Variants in NID1 observed in about 807,000 individuals in gnomAD.
NID1 encodes the protein nidogen-1.
In NID1, 76 loss-of-function variants were observed where a neutral mutation model predicts 130.6. The ratio of observed to expected loss-of-function variants is 0.58; its 90% confidence interval spans 0.48 to 0.70. The LOEUF (loss-of-function observed/expected upper bound fraction) is 0.70, where lower values mean the gene tolerates loss of function less well. NID1 is among the 30% of genes least tolerant of loss of function. The pLI is 0.00. For missense variants in NID1, 1,517 were observed against 1,664.8 expected (o/e 0.91, Z 1.54); for synonymous variants, 665 against 675.1 (o/e 0.98, Z 0.23).
intron 4 of NID1, among the ~76,000 whole-genome samples, chr1:236,039,988 A>G (rs991365244): frequency 2.6e-5 from 4 of 152,182 alleles, no homozygotes; most frequent in Non-Finnish European, 5.9e-5. Flanking sequence ...GGGTAGAGGG[A>G]CAGGAAAACA....
intron 5 of NID1, 49 bp from the exon 6 acceptor site, chr1:236,032,701 C>A (rs1231069594): frequency 6.2e-7 from 1 of 1,600,066 alleles, no homozygotes; most frequent in Non-Finnish European, 8.5e-7. Flanking sequence ...CCAAGCCAGT[C>A]TTTCAAACAC....
chr1:235,987,596 G>T (rs1045696102), intron 14 of NID1, among the ~76,000 whole-genome samples: 25 of 152,138 alleles, frequency 1.6e-4, no homozygotes, highest in Admixed American at 1.6e-3. Context: ...AGAAGCTGCC[G>T]GGCTGTATGA....
intron 19 of NID1, among the ~76,000 whole-genome samples, 168 bp from the exon 20 acceptor site, chr1:235,978,156 G>A: frequency 6.6e-6 from 1 of 152,320 alleles, no homozygotes; most frequent in Middle Eastern, 3.4e-3. Context: ...CAGCTGAGCT[G>A]ATCCATTGTT....
chr1:236,045,566 CTTG>C lies in NID1; in HGVS notation c.640_642del (p.Gln214del), dbSNP rs1287899565. On this transcript the variant is annotated inframe_deletion, in exon 3 of 20. Transcript: ENST00000264187. ...TGACTGAATGCAACCACGGCAGGAA[CTTG>C]GTTGTTTTCCTTCTTTGAGAATGTC... The C allele has an allele frequency of 7.4e-6, 12 of 1,614,024 alleles. No individual in the cohort carries two copies. Among genetic ancestry groups the C allele is most frequent in the Non-Finnish European group, 5.1e-6 (6 of 1,180,030 alleles).
chr1:236,024,293 C>T, intron 8 of NID1, 80 bp from the exon 9 acceptor site: 3 of 1,524,374 alleles, frequency 2.0e-6, no homozygotes, highest in Non-Finnish European at 1.8e-6. Context: ...AAGTCAACCA[C>T]AACTGGTGAG....
chr1:236,009,287 G>A (rs12086406), intron 12 of NID1, among the ~76,000 whole-genome samples: 3,752 of 152,246 alleles, frequency 0.025, 163 homozygotes, highest in African/African-American at 0.085. Flanking sequence ...ATGTCTGGCC[G>A]TCTGTGAACT....
intron 1 of NID1, among the ~76,000 whole-genome samples, chr1:236,051,020 C>G (rs1365915945): frequency 6.6e-6 from 1 of 151,892 alleles, no homozygotes; most frequent in Non-Finnish European, 1.5e-5. Flanking sequence ...GAGGCAGAGG[C>G]TGCAGTGAGC....
At position 236,011,873 on chromosome 1, in the gene NID1, C is replaced by T. The variant is rs550518148; in HGVS notation, c.2527+48G>A. 1.8e-5 allele frequency: 29 copies of T among 1,608,108 alleles called. No individual in the cohort carries two copies. In the East Asian group the frequency reaches 5.1e-4, roughly 29 times the overall value. On this transcript the variant is annotated intron_variant, in intron 12 of 19. Transcript: ENST00000264187. ...GGCAATGGGCCATGTGCTCTGCATT[C>T]ATGGACAGGGCAATGGGCTACCGAC...
chr1:236,020,389 G>A (rs2102822273), intron 9 of NID1, among the ~76,000 whole-genome samples: 1 of 152,244 alleles, frequency 6.6e-6, no homozygotes, highest in South Asian at 2.1e-4. Flanking sequence ...TCTTAGAGGA[G>A]AAGAGTCTCA....
chr1:236,042,262 C>G lies in NID1; in HGVS notation c.783G>C (p.Trp261Cys). The G allele has an allele frequency of 6.2e-7, 1 of 1,606,760 alleles. No individual in the cohort carries two copies. The highest frequency in any genetic ancestry group is 1.1e-5 in the South Asian group (1 of 91,070). ...KSSNSGQQGV[W>C]VFEIGSPATT... is the part of the protein sequence containing the mutation. The stretch of plus-strand genomic sequence containing the variant: ...TGGCTGGACTCCCAATCTCAAACAC[C>G]CAGACACCCTGCTGCCCAGAGTTAC... Residue 261 changes from tryptophan to cysteine, a missense_variant, in exon 4 of 20, where the codon TGG (tryptophan) becomes TGC (cysteine). This residue lies in a region of NID1 where 1,329 missense variants were observed against 1,429.2 expected (regional missense o/e 0.93). Transcript: ENST00000264187.
At chr1:236,021,474 A>G (rs1658762277) in intron 9 of NID1, among the ~76,000 whole-genome samples, 2 of 152,304 alleles carry the variant, frequency 1.3e-5, no homozygotes, top group South Asian at 4.1e-4. Context: ...AAGGTTCACT[A>G]TGAAGCCAAC....
rs377512998 is a variant in NID1, at chr1:236,065,047, C to A, written c.33G>T (p.Ala11=). Reference sequence around the variant, plus strand: ...GCGGCAGCAGCAGCGCCCGCGTCCACGCAGCCCGGATCCGGCTGCTCGAGG... The same window carrying A: ...GCGGCAGCAGCAGCGCCCGCGTCCAAGCAGCCCGGATCCGGCTGCTCGAGG... MLASSSRIRA[A]WTRALLLPLL... is the part of the protein sequence containing the mutation. Residue 11 remains alanine, a synonymous_variant, in exon 1 of 20, where the codon GCG becomes GCT. Coordinates refer to ENST00000264187, the MANE Select transcript of NID1 (RefSeq NM_002508.3). This position sits in a 1 kb window ranked among gnomAD's most constrained non-coding sequence, Gnocchi z 4.1. 196 of 1,554,036 alleles carry A rather than the reference C, an allele frequency of 1.3e-4. 2 individuals are homozygous for A. In the African/African-American group the frequency reaches 2.3e-3, roughly 18 times the overall value.
intron 14 of NID1, among the ~76,000 whole-genome samples, chr1:235,988,850 C>T (rs1383445600): frequency 3.3e-5 from 5 of 152,028 alleles, no homozygotes; most frequent in African/African-American, 9.7e-5. Context: ...ATCGTGGCTG[C>T]CAGGGGCTAG....
At chr1:236,056,440 G>C (rs936125052) in intron 1 of NID1, among the ~76,000 whole-genome samples, 6 of 152,154 alleles carry the variant, frequency 3.9e-5, no homozygotes, top group African/African-American at 1.4e-4. Context: ...ATCAAATCAG[G>C]ATAATTAGGA....
chr1:235,982,290 G>A (rs911011982), intron 15 of NID1, among the ~76,000 whole-genome samples: 4 of 152,176 alleles, frequency 2.6e-5, no homozygotes, highest in African/African-American at 9.7e-5. Flanking sequence ...AAAGTGAACA[G>A]GATGTCATTG....
At position 236,026,113 on chromosome 1, in the gene NID1, G is replaced by A; in HGVS notation, c.1767C>T (p.Tyr589=). The A allele has an allele frequency of 6.2e-7, 1 of 1,613,930 alleles. No individual in the cohort carries two copies. The highest frequency in any genetic ancestry group is 1.3e-5 in the African/African-American group (1 of 75,024). Residue 589 remains tyrosine, a synonymous_variant, in exon 8 of 20, where the codon TAC becomes TAT. Transcript: ENST00000264187. ...SVITSSSTRE[Y]TVTEPERDGA... is the part of the protein sequence containing the mutation. Reference sequence around the variant, plus strand: ...CATCTCGCTCGGGCTCAGTCACCGTGTACTCCCGGGTGGAGGAGGAAGTGA... The same window carrying A: ...CATCTCGCTCGGGCTCAGTCACCGTATACTCCCGGGTGGAGGAGGAAGTGA...
chr1:236,019,013 C>T (rs904976538), intron 9 of NID1, among the ~76,000 whole-genome samples: 1 of 152,108 alleles, frequency 6.6e-6, no homozygotes, highest in African/African-American at 2.4e-5. Flanking sequence ...TGTCCTGTAC[C>T]CAGGCAAATA....
rs1197880638 is a variant in NID1, at chr1:236,033,036, G to A, written c.1286-384C>T. 2.6e-5 allele frequency among the ~76,000 whole-genome samples: 4 copies of A among 152,216 alleles called. No individual in the cohort carries two copies. The East Asian group carries it at 7.7e-4, about 29-fold the overall frequency. On this transcript the variant is annotated intron_variant, in intron 5 of 19. Coordinates refer to ENST00000264187, the MANE Select transcript of NID1 (RefSeq NM_002508.3). ...TTGAGAGTAAAAGGAGGATGGGCAT[G>A]GTGGCTCATGCCTGTAATCCCAGCA...
At chr1:236,031,181 C>T (rs753743560) in intron 6 of NID1, among the ~76,000 whole-genome samples, 4 of 151,946 alleles carry the variant, frequency 2.6e-5, no homozygotes, top group Non-Finnish European at 4.4e-5. Flanking sequence ...TGCAATGGCA[C>T]GATCTCGGCT....
Sources: allele counts gnomAD v4.1 joint callset (sites outside exome capture counted in the v4.1 genomes callset), GRCh38; gene constraint gnomAD v4.1.1; regional missense constraint gnomAD v4.1.1; non-coding constraint Gnocchi (gnomAD v3.1); transcripts MANE v1.5; gene names NCBI Gene and HGNC (gene_info 2026-07-23, HGNC 2026-07-21).